The following LRP1B variants were observed in gnomAD, a reference collection of about 807,000 sequenced individuals.
LRP1B encodes the protein low-density lipoprotein receptor-related protein 1B.
A neutral mutation model predicts 556.6 loss-of-function variants in LRP1B; 217 were observed. The observed-to-expected ratio is 0.39, with a 90% CI of 0.35 to 0.44. LRP1B has a LOEUF of 0.44. Ranked by LOEUF, LRP1B falls within the 20% of genes least tolerant of loss-of-function variation. The probability of loss-of-function intolerance (pLI) is 1.00; values close to 1 mark genes in which losing one functional copy is unlikely to be tolerated. For missense variants in LRP1B, 5,053 were observed against 5,620.8 expected (o/e 0.90, Z 3.23); for synonymous variants, 2,047 against 1,865.8 (o/e 1.10, Z -2.50).
At chr2:141,170,965 T>A (rs1456741891) in intron 7 of LRP1B, among the ~76,000 whole-genome samples, 3 of 152,156 alleles carry the variant, frequency 2.0e-5, no homozygotes, top group African/African-American at 7.2e-5. Flanking sequence ...TATAGTCGTG[T>A]GCTCCCTCAG....
intron 1 of LRP1B, among the ~76,000 whole-genome samples, chr2:142,102,605 A>G (rs1706608234): frequency 6.6e-6 from 1 of 151,894 alleles, no homozygotes; most frequent in Non-Finnish European, 1.5e-5. Flanking sequence ...GAAAATGTGG[A>G]TTCATAATTT....
At chr2:140,830,265 G>A (rs144608187) in intron 31 of LRP1B, among the ~76,000 whole-genome samples, 374 of 152,076 alleles carry the variant, frequency 2.5e-3, no homozygotes, top group African/African-American at 8.4e-3. Flanking sequence ...ATTCTAAGAG[G>A]CCAGCATTTC....
intron 41 of LRP1B, among the ~76,000 whole-genome samples, chr2:140,695,191 T>C (rs1438170099): frequency 6.6e-6 from 1 of 151,280 alleles, no homozygotes; most frequent in Non-Finnish European, 1.5e-5. Flanking sequence ...TTCTCTCTAC[T>C]GGGTGGTTTT....
At chr2:141,930,885 G>C (rs1034184887) in intron 1 of LRP1B, among the ~76,000 whole-genome samples, 4 of 151,946 alleles carry the variant, frequency 2.6e-5, no homozygotes, top group Non-Finnish European at 5.9e-5. Flanking sequence ...CCAACAAATT[G>C]ATTTTCAAAC....
chr2:140,816,386 G>C (rs1223787485), intron 31 of LRP1B, among the ~76,000 whole-genome samples: 1 of 152,128 alleles, frequency 6.6e-6, no homozygotes, highest in East Asian at 1.9e-4. Context: ...AAACTGCTGG[G>C]ATTACAGGCA....
intron 3 of LRP1B, among the ~76,000 whole-genome samples, chr2:141,329,643 C>CAAAAAAAA (rs71391650): frequency 0.051 from 1,468 of 28,860 alleles, 35 homozygotes; most frequent in Non-Finnish European, 0.081. Context: ...GACTCTGTCT[C>CAAAAAAAA]AAAAAAAAAA....
chr2:141,762,357 A>T (rs1022108465), intron 2 of LRP1B, among the ~76,000 whole-genome samples: 2 of 152,042 alleles, frequency 1.3e-5, no homozygotes, highest in African/African-American at 2.4e-5. Flanking sequence ...TCCCCTCAAA[A>T]AGGGAGGGGT....
intron 6 of LRP1B, among the ~76,000 whole-genome samples, chr2:141,214,828 T>A (rs417460): frequency 0.72 from 109,529 of 152,064 alleles, 40,065 homozygotes; most frequent in East Asian, 0.97. Flanking sequence ...TGAAATTAGC[T>A]CTTACACTTT....
Position 140,475,226 on chromosome 2 carries a change from T to C in LRP1B, c.9537A>G (p.Leu3179=), listed in dbSNP as rs1217508055. 6.2e-7 allele frequency: 1 copy of C among 1,612,214 alleles called. No homozygotes were observed. The highest frequency in any genetic ancestry group is 8.5e-7 in the Non-Finnish European group (1 of 1,178,744). Residue 3179 remains leucine, a synonymous_variant, in exon 60 of 91, where the codon CTA becomes CTG. Coordinates refer to ENST00000389484, the MANE Select transcript of LRP1B (RefSeq NM_018557.3). The part of the protein sequence containing the change: ...IETKISRPMA[L]TIDYVNRRLY... ...GTCTACGATTAACATAATCTATTGT[T>C]AGTGCCATAGGTCTAGAAATCTTGG...
At chr2:141,845,619 A>C (rs12691621) in intron 1 of LRP1B, among the ~76,000 whole-genome samples, 115,687 of 151,566 alleles carry the variant, frequency 0.76, 44,298 homozygotes, top group Middle Eastern at 0.84. Flanking sequence ...AGGGATAAAA[A>C]TGACTCTAGT....
At chr2:141,054,145 G>C (rs914140920) in intron 10 of LRP1B, among the ~76,000 whole-genome samples, 2 of 151,912 alleles carry the variant, frequency 1.3e-5, no homozygotes, top group African/African-American at 4.8e-5. Flanking sequence ...TAACCATTCA[G>C]ACTTCAAATT....
At chr2:141,937,551 C>T (rs1165773869) in intron 1 of LRP1B, among the ~76,000 whole-genome samples, 9 of 151,722 alleles carry the variant, frequency 5.9e-5, no homozygotes, top group African/African-American at 1.7e-4. Context: ...AGCAACACTA[C>T]CTGAAATCCC....
At chr2:141,040,877 T>C (rs1369983967) in intron 11 of LRP1B, among the ~76,000 whole-genome samples, 2 of 152,222 alleles carry the variant, frequency 1.3e-5, no homozygotes, top group East Asian at 3.9e-4. Context: ...TGTGAACAGA[T>C]TAAACACATC....
intron 12 of LRP1B, among the ~76,000 whole-genome samples, chr2:141,018,000 A>G (rs935827797): frequency 7.3e-6 from 1 of 136,090 alleles, no homozygotes; most frequent in Non-Finnish European, 1.6e-5. Context: ...GATCCTGTCT[A>G]AAAAAAAAAA....
intron 2 of LRP1B, among the ~76,000 whole-genome samples, chr2:141,766,857 C>A (rs1488704080): frequency 6.6e-6 from 1 of 152,104 alleles, no homozygotes; most frequent in Non-Finnish European, 1.5e-5. Flanking sequence ...GGCTTATAGC[C>A]TTGTACATAT....
intron 1 of LRP1B, among the ~76,000 whole-genome samples, chr2:141,928,015 G>A (rs1419285003): frequency 6.7e-6 from 1 of 150,292 alleles, no homozygotes; most frequent in Admixed American, 6.7e-5. Context: ...AATTTTTCCT[G>A]TCCCTTCCTG....
chr2:141,361,516 T>C (rs543423175), intron 3 of LRP1B, among the ~76,000 whole-genome samples: 1 of 152,342 alleles, frequency 6.6e-6, no homozygotes, highest in East Asian at 1.9e-4. Flanking sequence ...TGAAACAATT[T>C]AAAATATTTT....
chr2:141,813,860 G>A (rs1696438307), intron 1 of LRP1B, among the ~76,000 whole-genome samples: 2 of 152,268 alleles, frequency 1.3e-5, no homozygotes, highest in Admixed American at 6.5e-5. Context: ...CAGAAAAGGT[G>A]TCAGCAGCAA....
At chr2:140,276,840 C>T (rs1281112811) in intron 84 of LRP1B, among the ~76,000 whole-genome samples, 1 of 151,774 alleles carries the variant, frequency 6.6e-6, no homozygotes, top group East Asian at 2.0e-4. Flanking sequence ...GATGAAAATT[C>T]CAGTGCCGTT....
Sources: allele counts gnomAD v4.1 joint callset (sites outside exome capture counted in the v4.1 genomes callset), GRCh38; gene constraint gnomAD v4.1.1; transcripts MANE v1.5; gene names NCBI Gene and HGNC (gene_info 2026-07-23, HGNC 2026-07-21).